The following SASH1 variants were observed in gnomAD, a reference collection of about 807,000 sequenced individuals.
SASH1 encodes SAM and SH3 domain-containing protein 1.
SASH1 carries 44 observed loss-of-function variants against 125.2 expected under a neutral mutation model. The observed-to-expected ratio is 0.35, with a 90% CI of 0.28 to 0.45. SASH1 has a LOEUF of 0.45. Ranked by LOEUF, SASH1 falls within the 20% of genes least tolerant of loss-of-function variation. The pLI, the probability that SASH1 is intolerant of heterozygous loss-of-function variation, is 1.00. For synonymous variants in SASH1, 639 were observed against 649.1 expected (o/e 0.98, Z 0.24); for missense variants, 1,426 against 1,614.5 (o/e 0.88, Z 2.00).
At chr6:148,206,962 A>C in the SASH1 span, among the ~76,000 whole-genome samples, 1 of 152,128 alleles carries the variant, frequency 6.6e-6, no homozygotes. Context: ...GTCAATCCCT[A>C]GCACAAATGT....
rs192342783 is a variant in SASH1, at chr6:148,551,364, G to A, written c.*2806G>A. The A allele has an allele frequency of 1.3e-4, 20 of 152,704 alleles. No individual in the cohort carries two copies. The highest frequency in any genetic ancestry group is 1.3e-3 in the Admixed American group (20 of 15,306). 9.5% of individuals were successfully genotyped at this position (152,704 alleles called of 1,614,324 possible). On this transcript the variant is annotated 3_prime_UTR_variant, in exon 20 of 20. Coordinates refer to ENST00000367467, the MANE Select transcript of SASH1 (RefSeq NM_015278.5). ...GAAAGCACAAAAGAAACCTGGAAAG[G>A]CAGTTCGGCTCAGGTAGCTACACAT...
At chr6:148,265,127 C>T in the SASH1 span, among the ~76,000 whole-genome samples, 41 of 152,082 alleles carry the variant, frequency 2.7e-4, no homozygotes, top group African/African-American at 9.6e-4. Context: ...ACTAGAATTC[C>T]CACACAAAAT....
chr6:148,316,757 AC>A (rs201459674), intron 1 of SASH1, among the ~76,000 whole-genome samples: 1 of 152,326 alleles, frequency 6.6e-6, no homozygotes, highest in Non-Finnish European at 1.5e-5. Context: ...GCAATCAGTC[AC>A]CATATGTTGA....
At chr6:148,425,709 CCCATCCCCCTCTCCCTT>C (rs1775785382) in intron 2 of SASH1, among the ~76,000 whole-genome samples, 1 of 106,040 alleles carries the variant, frequency 9.4e-6, no homozygotes, top group Admixed American at 9.7e-5. Flanking sequence ...CTTCTCCCCT[CCCATCCCCCTCTCCCTT>C]CCCCTCCCCC....
chr6:148,262,325 G>A, the SASH1 span, among the ~76,000 whole-genome samples: 1 of 152,136 alleles, frequency 6.6e-6, no homozygotes, highest in Non-Finnish European at 1.5e-5. Flanking sequence ...TCTCCCTCAT[G>A]CAGAGGAGAA....
At chr6:148,376,193 A>C (rs1782885080) in intron 1 of SASH1, among the ~76,000 whole-genome samples, 1 of 152,042 alleles carries the variant, frequency 6.6e-6, no homozygotes, top group African/African-American at 2.4e-5. Flanking sequence ...CAGCCTCCCA[A>C]GTAGCTAGGA....
At chr6:148,239,221 A>T in the SASH1 span, among the ~76,000 whole-genome samples, 1 of 152,184 alleles carries the variant, frequency 6.6e-6, no homozygotes, top group East Asian at 1.9e-4. Context: ...TTCTGTAGGG[A>T]CTCATAATCA....
chr6:148,516,877 G>A (rs999737025), intron 9 of SASH1, among the ~76,000 whole-genome samples: 4 of 152,050 alleles, frequency 2.6e-5, no homozygotes, highest in South Asian at 2.1e-4. Context: ...TGGAGTCCTC[G>A]GAAAGCCAGG....
At position 148,302,341 on chromosome 6, in the gene SASH1, A is replaced by AAAAAAAAAAAAAAAAAT. The variant is rs34513109; in HGVS notation, n.74+29964_74+29965insAAAAAAAAAAAAAAAAT. On this transcript the variant is annotated intron_variant and non_coding_transcript_variant, in intron 1 of 3. Transcript: ENST00000367469. ...AAAAAAAAAAAAAAAAAAAAAAAAA[A>AAAAAAAAAAAAAAAAAT]CTAGTAATATTATGACCTTGGTTAA... is the stretch of plus-strand genomic sequence containing the variant. Among the ~76,000 whole-genome samples the AAAAAAAAAAAAAAAAAT allele has an allele frequency of 1.3e-3, 135 of 104,440 alleles. 30 individuals are homozygous for AAAAAAAAAAAAAAAAAT. Among genetic ancestry groups the AAAAAAAAAAAAAAAAAT allele is most frequent in the East Asian group, 5.5e-3 (14 of 2,566 alleles). The allele number at this position is 104,440 out of a possible 152,430, so 68.5% of individuals were successfully genotyped here. A position where few individuals can be genotyped will look rare whatever the true frequency, so the allele number is the denominator to read the frequency against.
chr6:148,476,083 A>G (rs1417081486), intron 7 of SASH1, among the ~76,000 whole-genome samples: 1 of 152,134 alleles, frequency 6.6e-6, no homozygotes, highest in Non-Finnish European at 1.5e-5. Context: ...ACTGATAAGT[A>G]AAGTTGCAGG....
At chr6:148,508,272 G>A (rs1779915421) in intron 8 of SASH1, among the ~76,000 whole-genome samples, 1 of 152,182 alleles carries the variant, frequency 6.6e-6, no homozygotes, top group African/African-American at 2.4e-5. Context: ...TTCAAAAATA[G>A]CCATTGGAAG....
chr6:148,268,993 T>C (rs959224073), upstream of SASH1, among the ~76,000 whole-genome samples: 7 of 152,230 alleles, frequency 4.6e-5, no homozygotes, highest in African/African-American at 1.4e-4. Flanking sequence ...AAGCACTTGT[T>C]TTCATGTGCA....
chr6:148,224,082 C>T, the SASH1 span, among the ~76,000 whole-genome samples: 4 of 152,144 alleles, frequency 2.6e-5, no homozygotes, highest in African/African-American at 9.7e-5. Context: ...TCACTTGAGG[C>T]CAGGAGTTTG....
chr6:148,298,764 G>GAAAGAAA (rs1368599827), intron 1 of SASH1, among the ~76,000 whole-genome samples: 50 of 135,982 alleles, frequency 3.7e-4, no homozygotes, highest in Non-Finnish European at 7.8e-4. Context: ...AGAAAAGAGA[G>GAAAGAAA]AAAGAAAAAA....
chr6:148,217,828 A>G, the SASH1 span, among the ~76,000 whole-genome samples: 1 of 149,626 alleles, frequency 6.7e-6, no homozygotes, highest in African/African-American at 2.5e-5. Flanking sequence ...CCTGGGCAAC[A>G]TAGTGAGATC....
In SASH1 at chr6:148,519,885, A is replaced by G; in HGVS notation, c.1201A>G (p.Ser401Gly). 1 of 1,565,962 alleles carries G rather than the reference A, an allele frequency of 6.4e-7. No individual in the cohort carries two copies. The highest frequency in any genetic ancestry group is 8.6e-7 in the Non-Finnish European group (1 of 1,158,238). ...GEMKKGLGSL[S>G]HGRTCSFGGF... ...GATGAAGAAGGGTCTCGGGTCCCTAAGCCACGGGGTAAGTACGGATGGTGT... is the reference window on the plus strand; with the variant it reads ...GATGAAGAAGGGTCTCGGGTCCCTAGGCCACGGGGTAAGTACGGATGGTGT... Residue 401 changes from serine (S) to glycine (G), a missense_variant, in exon 10 of 20, where the codon AGC becomes GGC. Physicochemically the swap from Ser to Gly is moderately conservative, Grantham distance 56. Transcript: ENST00000367467. The surrounding 1 kb of genome is among the most constrained non-coding windows in gnomAD (Gnocchi z 4.8).
At chr6:148,286,226 A>T (rs983504590) in intron 1 of SASH1, among the ~76,000 whole-genome samples, 1 of 151,940 alleles carries the variant, frequency 6.6e-6, no homozygotes, top group African/African-American at 2.4e-5. Flanking sequence ...AAAAAAAAAA[A>T]TAAAATAATT....
rs191034702 is a variant in SASH1 at position 148,459,709 on chromosome 6, G to A, written c.387-8836G>A. Among the ~76,000 whole-genome samples, 458 of 149,292 alleles carry A rather than the reference G, an allele frequency of 3.1e-3. 2 individuals carry two copies. The highest frequency in any genetic ancestry group is 3.0e-3 in the Non-Finnish European group (201 of 67,774). On this transcript the variant is annotated intron_variant, in intron 4 of 19. Coordinates refer to ENST00000367467, the MANE Select transcript of SASH1 (RefSeq NM_015278.5). ...GGTAGGGTGGTTGAAAAAAAAGGCC[G>A]CTAATAATAGCTAGCTTATTTTATT... is the stretch of plus-strand genomic sequence containing the variant.
chr6:148,534,635 T>C, intron 15 of SASH1, 116 bp from the exon 16 acceptor site: 3 of 994,158 alleles, frequency 3.0e-6, no homozygotes, highest in Non-Finnish European at 4.7e-6. Context: ...ACTAATCTTT[T>C]GATTAGCCTG....
Sources: gnomAD v4.1 joint callset for allele counts (sites outside exome capture counted in the v4.1 genomes callset) on GRCh38, gnomAD v4.1.1 for gene constraint, Gnocchi (gnomAD v3.1) non-coding constraint, MANE v1.5 for transcripts, NCBI Gene and HGNC (gene_info 2026-07-23, HGNC 2026-07-21) for gene names.